Variants in AZI2 observed in about 807,000 individuals in gnomAD.
AZI2 encodes 5-azacytidine induced 2.
Under a neutral mutation model 45.8 loss-of-function variants are expected in AZI2, and 22 were observed. The ratio of observed to expected loss-of-function variants is 0.48; its 90% CI spans 0.34 to 0.69. The LOEUF is 0.69. AZI2 is among the 30% of genes least tolerant of loss of function. The probability of loss-of-function intolerance (pLI) is 0.01; values close to 1 mark genes in which losing one functional copy is unlikely to be tolerated. For missense variants in AZI2, 417 were observed against 441.5 expected (o/e 0.94, Z 0.50); for synonymous variants, 137 against 156.7 (o/e 0.87, Z 0.94).
intron 1 of AZI2, among the ~76,000 whole-genome samples, chr3:28,345,740 T>C (rs564304126): frequency 4.9e-4 from 74 of 152,258 alleles, no homozygotes; most frequent in African/African-American, 1.8e-3. Flanking sequence ...GTCTTCATCA[T>C]GGCAATCAAC....
At chr3:28,324,481 C>G in intron 7 of AZI2, 27 bp from the exon 8 acceptor site, 1 of 1,429,508 alleles carries the variant, frequency 7.0e-7, no homozygotes, top group East Asian at 2.3e-5. Flanking sequence ...GACTAAATGT[C>G]AGTTTTCATT....
At chr3:28,343,981 A>G (rs1704128444) in intron 1 of AZI2, among the ~76,000 whole-genome samples, 1 of 151,304 alleles carries the variant, frequency 6.6e-6, no homozygotes, top group Admixed American at 6.6e-5. Flanking sequence ...AAAGTTGCAT[A>G]TATTATGTAA....
chr3:28,323,845 A>T lies in AZI2; in HGVS notation c.*197T>A. 1 of 514,204 alleles carries T rather than the reference A, an allele frequency of 1.9e-6. No homozygotes were observed. The highest frequency in any genetic ancestry group is 3.4e-6 in the Non-Finnish European group (1 of 290,292). 31.9% of individuals were successfully genotyped at this position (514,204 alleles called of 1,614,324 possible). A position where few individuals can be genotyped will look rare whatever the true frequency, so the allele number is the denominator to read the frequency against. ...CATATTTCAGATTCTTAGAATATGGAGCTAGAGGGTGCTCTTTCATACTAG... is the reference window on the plus strand; with the variant it reads ...CATATTTCAGATTCTTAGAATATGGTGCTAGAGGGTGCTCTTTCATACTAG... On this transcript the variant is annotated 3_prime_UTR_variant, in exon 8 of 8. Transcript: ENST00000479665.
chr3:28,337,067 A>C lies in AZI2; in HGVS notation c.440-182T>G, dbSNP rs1703823610. The C allele has an allele frequency of 1.1e-5, 6 of 567,726 alleles. No homozygotes were observed. In the Admixed American group the frequency reaches 2.2e-4, roughly 20 times the overall value. 35.2% of individuals were successfully genotyped at this position (567,726 alleles called of 1,614,324 possible). A position where few individuals can be genotyped will look rare whatever the true frequency, so the allele number is the denominator to read the frequency against. On this transcript the variant is annotated intron_variant, in intron 4 of 7. Transcript: ENST00000479665. ...TCAAATATCTATGCTAAGGAGAATG[A>C]GAAATCTAGCAATCTTGTTTTAGAA...
chr3:28,330,286 TAGAG>T (rs1298873527), intron 6 of AZI2, among the ~76,000 whole-genome samples: 5 of 151,274 alleles, frequency 3.3e-5, no homozygotes, highest in South Asian at 2.1e-4. Context: ...TATCTTAAGA[TAGAG>T]AAACAGTATA....
At chr3:28,340,772 C>G in intron 1 of AZI2, 150 bp from the exon 2 acceptor site, 1 of 621,006 alleles carries the variant, frequency 1.6e-6, no homozygotes, top group Non-Finnish European at 2.6e-6. Flanking sequence ...CATTTAGTGT[C>G]TGACTTTGGG....
chr3:28,344,018 C>T (rs1704129931), intron 1 of AZI2, among the ~76,000 whole-genome samples: 1 of 149,504 alleles, frequency 6.7e-6, no homozygotes, highest in Non-Finnish European at 1.5e-5. Context: ...AAGGATTTTT[C>T]AAGTTTTATA....
chr3:28,340,287 A>G, intron 2 of AZI2, 115 bp downstream of exon 2: 1 of 713,536 alleles, frequency 1.4e-6, no homozygotes. Context: ...GCAGTGAGTT[A>G]TTCTTGGAAA....
chr3:28,348,219 G>C (rs1051307653), intron 1 of AZI2: 2 of 152,154 alleles, frequency 1.3e-5, no homozygotes, highest in Non-Finnish European at 2.9e-5. Flanking sequence ...GCCCCAGGGA[G>C]TACCGTCCTA....
intron 5 of AZI2, among the ~76,000 whole-genome samples, chr3:28,333,663 G>A (rs1426169897): frequency 1.3e-5 from 2 of 151,456 alleles, no homozygotes; most frequent in African/African-American, 4.8e-5. Flanking sequence ...ATGTACATCA[G>A]CAGTAAGCTC....
intron 6 of AZI2, 121 bp from the exon 7 acceptor site, chr3:28,327,071 GAAAA>G (rs1365012167): frequency 1.5e-6 from 1 of 657,536 alleles, no homozygotes; most frequent in Non-Finnish European, 2.6e-6. Flanking sequence ...GATGTAAACT[GAAAA>G]AAACAATTGA....
At chr3:28,336,710 AT>A (rs777831982) in intron 5 of AZI2, 26 bp downstream of exon 5, 1 of 1,600,092 alleles carries the variant, frequency 6.2e-7, no homozygotes, top group South Asian at 1.1e-5. Context: ...AAATACTGAA[AT>A]TCTCAATTTA....
intron 6 of AZI2, among the ~76,000 whole-genome samples, chr3:28,331,153 A>G (rs1703555310): frequency 6.6e-6 from 1 of 151,402 alleles, no homozygotes; most frequent in Non-Finnish European, 1.5e-5. Context: ...ATTCCATTCT[A>G]TATCACATGC....
intron 2 of AZI2, among the ~76,000 whole-genome samples, chr3:28,339,711 T>C (rs1276927973): frequency 1.3e-5 from 2 of 152,104 alleles, no homozygotes. Flanking sequence ...TGGTAGCTGC[T>C]CTTTGTAGGA....
chr3:28,334,825 C>A (rs1276537774), intron 5 of AZI2, among the ~76,000 whole-genome samples: 2 of 151,852 alleles, frequency 1.3e-5, no homozygotes, highest in Non-Finnish European at 2.9e-5. Flanking sequence ...TTACTCTAAT[C>A]AAATTTTTTA....
At chr3:28,337,065 T>A in intron 4 of AZI2, 180 bp from the exon 5 acceptor site, 1 of 575,998 alleles carries the variant, frequency 1.7e-6, no homozygotes, top group Non-Finnish European at 2.8e-6. Context: ...CTAAGGAGAA[T>A]GAGAAATCTA....
chr3:28,340,623 CTGTT>C lies in AZI2; in HGVS notation c.-5-5_-5-2del. 6.3e-7 allele frequency: 1 copy of C among 1,585,138 alleles called. No homozygotes were observed. ...TCTTCTACCAGTGCATCCATGACAA[CTGTT>C]TAAAAGAAAAAAAATATGAGTGACA... is the stretch of plus-strand genomic sequence containing the variant. On this transcript the variant is annotated splice_acceptor_variant and splice_polypyrimidine_tract_variant and intron_variant, in intron 1 of 7. Transcript: ENST00000479665. LOFTEE classifies it low-confidence loss of function (5UTR_SPLICE).
intron 1 of AZI2, among the ~76,000 whole-genome samples, chr3:28,342,539 A>T (rs886965099): frequency 1.3e-5 from 2 of 152,058 alleles, no homozygotes; most frequent in East Asian, 3.8e-4. Flanking sequence ...AAAAGAGTTT[A>T]CTTTTCAGTC....
At chr3:28,340,320 G>A (rs1703961779) in intron 2 of AZI2, 82 bp downstream of exon 2, 1 of 961,582 alleles carries the variant, frequency 1.0e-6, no homozygotes, top group Admixed American at 2.5e-5. Context: ...ATGGAAGACA[G>A]GACAAAAAGT....
Sources: allele counts gnomAD v4.1 joint callset (sites outside exome capture counted in the v4.1 genomes callset), GRCh38; gene constraint gnomAD v4.1.1; transcripts MANE v1.5; gene names NCBI Gene and HGNC (gene_info 2026-07-23, HGNC 2026-07-21).